PLCG2: variants seen among roughly 807,000 people sequenced by gnomAD.
PLCG2 encodes the protein phospholipase C gamma 2.
Under a neutral mutation model 175.6 loss-of-function variants are expected in PLCG2, and 69 were observed. The ratio of observed to expected loss-of-function variants is 0.39; its 90% confidence interval spans 0.32 to 0.48. The LOEUF is 0.48. Ranked by LOEUF, PLCG2 falls within the 20% of genes least tolerant of loss-of-function variation. The pLI is 0.91. For synonymous variants in PLCG2, 827 were observed against 624.0 expected (o/e 1.33, Z -4.85); for missense variants, 1,798 against 1,650.9 (o/e 1.09, Z -1.54).
chr16:81,938,393 G>C (rs1056189545), intron 28 of PLCG2: 1 of 208,094 alleles, frequency 4.8e-6, no homozygotes, highest in Non-Finnish European at 9.6e-6. Flanking sequence ...GTAGGGGGAA[G>C]AAGCATACGT....
At position 81,923,241 on chromosome 16, in the gene PLCG2, T is replaced by TAACCCC. The variant is rs761591058; in HGVS notation, c.2308-239_2308-238insCAACCC. On this transcript the variant is annotated intron_variant, in intron 21 of 32. Transcript: ENST00000564138. Reference sequence around the variant, plus strand: ...GCCCCAAACCCTAACTCCTAACCCCTAACCCTTAACCCCAACCCAGGTACC... The same window carrying TAACCCC: ...GCCCCAAACCCTAACTCCTAACCCCTAACCCCAACCCTTAACCCCAACCCAGGTACC... Among the ~76,000 whole-genome samples the TAACCCC allele has an allele frequency of 3.6e-3, 541 of 151,698 alleles. 2 individuals are homozygous for TAACCCC. Among genetic ancestry groups the TAACCCC allele is most frequent in the Non-Finnish European group, 6.3e-3 (426 of 67,866 alleles).
chr16:81,904,212 T>A (rs138595663), intron 14 of PLCG2, among the ~76,000 whole-genome samples: 1 of 152,220 alleles, frequency 6.6e-6, no homozygotes, highest in African/African-American at 2.4e-5. Context: ...TTGACACTTA[T>A]CTTTCACGTT....
At chr16:81,837,286 C>T (rs983378837) in intron 2 of PLCG2, among the ~76,000 whole-genome samples, 3 of 152,226 alleles carry the variant, frequency 2.0e-5, no homozygotes, top group African/African-American at 7.2e-5. Flanking sequence ...CTCAGACTAC[C>T]TCAACTCCTT....
At chr16:81,838,783 ATATATATAT>A (rs1905662675) in intron 2 of PLCG2, among the ~76,000 whole-genome samples, 1 of 4,118 alleles carries the variant, frequency 2.4e-4, no homozygotes, top group African/African-American at 4.2e-4. Flanking sequence ...AATTAAATAT[ATATATATAT>A]ATATATATAT....
At chr16:81,769,680 C>T (rs936674718) in intron 2 of PLCG2, among the ~76,000 whole-genome samples, 14 of 151,678 alleles carry the variant, frequency 9.2e-5, no homozygotes, top group African/African-American at 1.9e-4. Flanking sequence ...ATTAGCCGGG[C>T]GTAGTGGCGG....
intron 6 of PLCG2, among the ~76,000 whole-genome samples, chr16:81,870,616 T>C (rs894303126): frequency 9.2e-5 from 14 of 152,182 alleles, no homozygotes; most frequent in African/African-American, 3.4e-4. Flanking sequence ...TGGAGGGTTT[T>C]GATTCAGAGG....
chr16:81,872,907 A>T (rs905081094), intron 7 of PLCG2, among the ~76,000 whole-genome samples: 1 of 152,238 alleles, frequency 6.6e-6, no homozygotes, highest in Non-Finnish European at 1.5e-5. Context: ...TTCTGCATGC[A>T]GAGCTGTGGG....
At chr16:81,761,829 A>ATTTACTTTTTTTT (rs909875950) in intron 2 of PLCG2, among the ~76,000 whole-genome samples, 1 of 130,244 alleles carries the variant, frequency 7.7e-6, no homozygotes, top group African/African-American at 2.8e-5. Flanking sequence ...CACCCTGCAC[A>ATTTACTTTTTTTT]TTTTTTTTTT....
chr16:81,949,851 A>G (rs1247020710), intron 31 of PLCG2, among the ~76,000 whole-genome samples: 1 of 152,230 alleles, frequency 6.6e-6, no homozygotes. Flanking sequence ...GGTAAAATAA[A>G]GGTATGCTAA....
intron 1 of PLCG2, among the ~76,000 whole-genome samples, chr16:81,783,668 A>G (rs778706281): frequency 1.3e-5 from 2 of 152,186 alleles, no homozygotes; most frequent in Non-Finnish European, 2.9e-5. Context: ...CGAACCAGAC[A>G]CAACAGGTGC....
intron 14 of PLCG2, among the ~76,000 whole-genome samples, chr16:81,904,768 T>A (rs1329957855): frequency 6.6e-6 from 1 of 152,182 alleles, no homozygotes; most frequent in Admixed American, 6.5e-5. Flanking sequence ...GGGGTTTATA[T>A]TCTAGCAGTG....
At chr16:81,895,585 G>A in intron 12 of PLCG2, 1 of 464,522 alleles carries the variant, frequency 2.2e-6, no homozygotes, top group South Asian at 3.6e-5. Flanking sequence ...GAAAAAAAAA[G>A]CAGCATTGAA....
At chr16:81,764,617 G>A (rs2143094148) in intron 2 of PLCG2, among the ~76,000 whole-genome samples, 1 of 152,346 alleles carries the variant, frequency 6.6e-6, no homozygotes, top group Non-Finnish European at 1.5e-5. Context: ...TCCCAGCTGT[G>A]TCAGAGGACT....
chr16:81,761,042 G>A (rs1479821902), intron 2 of PLCG2, among the ~76,000 whole-genome samples: 1 of 152,090 alleles, frequency 6.6e-6, no homozygotes, highest in Non-Finnish European at 1.5e-5. Context: ...GACTATAAGT[G>A]CGCACCACCA....
intron 2 of PLCG2, among the ~76,000 whole-genome samples, chr16:81,804,519 T>G (rs1251798670): frequency 6.6e-6 from 1 of 152,112 alleles, no homozygotes; most frequent in Non-Finnish European, 1.5e-5. Context: ...TTGGCTTGAG[T>G]CAAGAATCAT....
chr16:81,769,128 G>T (rs979630475), intron 2 of PLCG2, among the ~76,000 whole-genome samples: 9 of 152,192 alleles, frequency 5.9e-5, no homozygotes, highest in Non-Finnish European at 1.2e-4. Context: ...AGGTAAGTTT[G>T]TCTCAGATGC....
chr16:81,903,933 C>T (rs1256750870), intron 14 of PLCG2, among the ~76,000 whole-genome samples: 1 of 152,202 alleles, frequency 6.6e-6, no homozygotes, highest in Non-Finnish European at 1.5e-5. Flanking sequence ...GCCACACGGT[C>T]ACTTTGTACC....
chr16:81,881,045 G>C, intron 8 of PLCG2, 92 bp downstream of exon 8: 1 of 1,294,660 alleles, frequency 7.7e-7, no homozygotes, highest in Non-Finnish European at 1.1e-6. Context: ...GCCTGTGTGT[G>C]CAGGCGCTGA....
At chr16:81,815,419 A>T (rs1481276951) in intron 2 of PLCG2, among the ~76,000 whole-genome samples, 1 of 152,108 alleles carries the variant, frequency 6.6e-6, no homozygotes, top group East Asian at 1.9e-4. Flanking sequence ...TATCCCAGGG[A>T]CCCTGTCTTT....
Sources: allele counts gnomAD v4.1 joint callset (sites outside exome capture counted in the v4.1 genomes callset), GRCh38; gene constraint gnomAD v4.1.1; transcripts MANE v1.5; gene names NCBI Gene and HGNC (gene_info 2026-07-23, HGNC 2026-07-21).